The following PHYHIPL variants were observed in gnomAD, a reference collection of about 807,000 sequenced individuals.
The protein encoded by PHYHIPL is phytanoyl-CoA 2-hydroxylase interacting protein like.
In PHYHIPL, 9 loss-of-function variants were observed where a neutral mutation model predicts 33.4. The observed-to-expected ratio is 0.27, with a 90% CI of 0.16 to 0.47. PHYHIPL has a LOEUF of 0.47. Among genes scored for constraint, PHYHIPL ranks in the 20% least tolerant of loss-of-function variants. The pLI is 0.99. For synonymous variants in PHYHIPL, 153 were observed against 154.1 expected (o/e 0.99, Z 0.05); for missense variants, 365 against 460.7 (o/e 0.79, Z 1.90).
chr10:59,199,765 C>A (rs1054266167), intron 1 of PHYHIPL, among the ~76,000 whole-genome samples: 1 of 152,128 alleles, frequency 6.6e-6, no homozygotes, highest in Non-Finnish European at 1.5e-5. Flanking sequence ...TTGAAGAGGT[C>A]CTTCACATCC....
intron 1 of PHYHIPL, among the ~76,000 whole-genome samples, chr10:59,188,073 G>T (rs1347376908): frequency 6.6e-6 from 1 of 152,096 alleles, no homozygotes; most frequent in Admixed American, 6.6e-5. Flanking sequence ...GTCAATTTTA[G>T]ATCTTTCCTG....
At chr10:59,235,742 T>G (rs1195131571) in intron 2 of PHYHIPL, among the ~76,000 whole-genome samples, 1 of 151,972 alleles carries the variant, frequency 6.6e-6, no homozygotes, top group Non-Finnish European at 1.5e-5. Flanking sequence ...ACTCTCCACT[T>G]GGAATACCAT....
chr10:59,175,849 A>G (rs1392985046), upstream of PHYHIPL, among the ~76,000 whole-genome samples: 2 of 152,196 alleles, frequency 1.3e-5, no homozygotes, highest in Non-Finnish European at 2.9e-5. Context: ...TGAGCATTGA[A>G]TACTTATTTG....
intron 1 of PHYHIPL, among the ~76,000 whole-genome samples, chr10:59,229,034 G>C (rs1422801709): frequency 6.6e-6 from 1 of 152,134 alleles, no homozygotes. Context: ...TTCTATTACA[G>C]TATTTGCCAG....
upstream of PHYHIPL, among the ~76,000 whole-genome samples, chr10:59,175,627 CCT>C (rs1160719672): frequency 6.6e-6 from 1 of 152,178 alleles, no homozygotes; most frequent in Non-Finnish European, 1.5e-5. Flanking sequence ...TAGGCTGTGA[CCT>C]CTATTTTATG....
intron 1 of PHYHIPL, among the ~76,000 whole-genome samples, chr10:59,216,871 G>T (rs542757441): frequency 1.3e-5 from 2 of 152,220 alleles, no homozygotes; most frequent in South Asian, 4.1e-4. Flanking sequence ...TTGCTAAATT[G>T]TAAGCTTGAA....
chr10:59,185,948 G>C (rs1424587847), intron 1 of PHYHIPL, among the ~76,000 whole-genome samples: 2 of 152,238 alleles, frequency 1.3e-5, no homozygotes, highest in African/African-American at 4.8e-5. Flanking sequence ...TTCTTTTGCT[G>C]TGCAGAAGCT....
At chr10:59,175,022 G>T (rs1394763087), upstream of PHYHIPL, among the ~76,000 whole-genome samples, 2 of 151,036 alleles carry the variant, frequency 1.3e-5, no homozygotes, top group African/African-American at 2.4e-5. Context: ...CCTTTTTTTT[G>T]AGATTTATAA....
At chr10:59,215,738 CTAAG>C (rs1339404861) in intron 1 of PHYHIPL, among the ~76,000 whole-genome samples, 4 of 151,674 alleles carry the variant, frequency 2.6e-5, no homozygotes, top group African/African-American at 7.3e-5. Flanking sequence ...GAAGGCTTCT[CTAAG>C]TAGTAATAGT....
At chr10:59,230,742 C>T (rs1840054586) in intron 1 of PHYHIPL, among the ~76,000 whole-genome samples, 1 of 152,218 alleles carries the variant, frequency 6.6e-6, no homozygotes, top group Admixed American at 6.5e-5. Flanking sequence ...TGCTTTTATA[C>T]ATTTTATGGA....
upstream of PHYHIPL, among the ~76,000 whole-genome samples, chr10:59,174,790 G>A (rs1274464594): frequency 6.6e-6 from 1 of 152,236 alleles, no homozygotes; most frequent in South Asian, 2.1e-4. Context: ...TAAACCTCGT[G>A]CGTGCTTCTA....
chr10:59,192,175 A>G (rs1167698518), intron 1 of PHYHIPL, among the ~76,000 whole-genome samples: 1 of 152,182 alleles, frequency 6.6e-6, no homozygotes, highest in Admixed American at 6.6e-5. Flanking sequence ...TGTTTACCCA[A>G]AATAACAGAG....
intron 1 of PHYHIPL, among the ~76,000 whole-genome samples, chr10:59,200,527 T>A (rs1474115491): frequency 1.3e-5 from 2 of 152,144 alleles, no homozygotes; most frequent in African/African-American, 4.8e-5. Context: ...TCTTTTTTGA[T>A]TTTGTCTCTG....
intron 1 of PHYHIPL, among the ~76,000 whole-genome samples, chr10:59,186,526 G>A (rs1282293111): frequency 6.6e-6 from 1 of 152,100 alleles, no homozygotes; most frequent in Non-Finnish European, 1.5e-5. Context: ...GCTTGATGGG[G>A]ATGGCATTGA....
intron 1 of PHYHIPL, among the ~76,000 whole-genome samples, chr10:59,189,230 A>C (rs1426641413): frequency 6.6e-6 from 1 of 152,000 alleles, no homozygotes; most frequent in Non-Finnish European, 1.5e-5. Flanking sequence ...AATCTGTTAC[A>C]GTCTGAAACT....
At chr10:59,243,991 G>T (rs1840516447) in intron 4 of PHYHIPL, among the ~76,000 whole-genome samples, 1 of 152,120 alleles carries the variant, frequency 6.6e-6, no homozygotes, top group Non-Finnish European at 1.5e-5. Flanking sequence ...TATGAAGAAT[G>T]CAGCCCTGCC....
At chr10:59,194,080 GTT>G (rs778292956) in intron 1 of PHYHIPL, among the ~76,000 whole-genome samples, 32 of 111,468 alleles carry the variant, frequency 2.9e-4, no homozygotes, top group African/African-American at 9.8e-4. Flanking sequence ...TTACCTATAT[GTT>G]TTTTTTTTTT....
chr10:59,200,268 C>T (rs184341575), intron 1 of PHYHIPL, among the ~76,000 whole-genome samples: 21 of 152,018 alleles, frequency 1.4e-4, no homozygotes, highest in East Asian at 3.9e-4. Context: ...TAGCATGAAG[C>T]GCTGTTGAAT....
intron 4 of PHYHIPL, among the ~76,000 whole-genome samples, chr10:59,244,301 T>G (rs772630415): frequency 2.0e-5 from 3 of 152,114 alleles, no homozygotes; most frequent in Non-Finnish European, 4.4e-5. Context: ...GCGTGGTGGC[T>G]CATGCCTGTA....
Sources: gnomAD v4.1 joint callset for allele counts (sites outside exome capture counted in the v4.1 genomes callset) on GRCh38, gnomAD v4.1.1 for gene constraint, MANE v1.5 for transcripts, NCBI Gene and HGNC (gene_info 2026-07-23, HGNC 2026-07-21) for gene names.